The following SLC5A8 variants were observed in gnomAD, a reference collection of about 807,000 sequenced individuals.
The protein encoded by SLC5A8 is solute carrier family 5 member 8.
SLC5A8 carries 55 observed loss-of-function variants against 71.9 expected under a neutral mutation model. That is an observed-to-expected ratio of 0.77 (90% CI 0.62 to 0.96). The LOEUF (loss-of-function observed/expected upper bound fraction) is 0.96. Among genes scored for constraint, SLC5A8 ranks in the 40% least tolerant of loss-of-function variants. The pLI is 0.00. For synonymous variants in SLC5A8, 307 were observed against 276.1 expected (o/e 1.11, Z -1.11); for missense variants, 701 against 745.3 (o/e 0.94, Z 0.69).
intron 4 of SLC5A8, among the ~76,000 whole-genome samples, chr12:101,194,885 A>T (rs1306445270): frequency 6.6e-6 from 1 of 152,230 alleles, no homozygotes; most frequent in East Asian, 1.9e-4. Context: ...AATGGATCAG[A>T]TAAAAGAAAA....
intron 4 of SLC5A8, 26 bp downstream of exon 4, chr12:101,195,069 A>C (rs1191241864): frequency 6.2e-7 from 1 of 1,612,604 alleles, no homozygotes; most frequent in African/African-American, 1.3e-5. Context: ...GGGTAGAGTG[A>C]AAAGGGAAAT....
intron 14 of SLC5A8, 70 bp from the exon 15 acceptor site, chr12:101,157,471 A>T: frequency 2.0e-6 from 3 of 1,489,558 alleles, no homozygotes; most frequent in Non-Finnish European, 2.7e-6. Context: ...ATTCTAAATA[A>T]TTGTTTCTAC....
At chr12:101,163,653 C>T (rs1186002662) in intron 12 of SLC5A8, among the ~76,000 whole-genome samples, 2 of 152,070 alleles carry the variant, frequency 1.3e-5, no homozygotes, top group Admixed American at 6.6e-5. Flanking sequence ...ACTGAGACTC[C>T]GTCTCAAACA....
At chr12:101,167,441 C>A (rs2051784125) in intron 11 of SLC5A8, among the ~76,000 whole-genome samples, 1 of 152,206 alleles carries the variant, frequency 6.6e-6, no homozygotes, top group Admixed American at 6.5e-5. Flanking sequence ...ATCAGTTTTT[C>A]CTGAACTACA....
At chr12:101,196,503 G>T (rs1869184904) in intron 3 of SLC5A8, among the ~76,000 whole-genome samples, 1 of 151,988 alleles carries the variant, frequency 6.6e-6, no homozygotes, top group African/African-American at 2.4e-5. Context: ...TTGATGTATA[G>T]ATTTCACTTT....
In SLC5A8 at chr12:101,186,112, A is replaced by G. The variant is rs528173643; in HGVS notation, c.963+1274T>C. On this transcript the variant is annotated intron_variant, in intron 7 of 14. Transcript: ENST00000536262. ...TTTTTTTTTTTTTGGCCCAGGGTAA[A>G]GGCAAAGTATATTACAAACTTTTTT... 3.3e-5 allele frequency among the ~76,000 whole-genome samples: 5 copies of G among 150,374 alleles called. No individual in the cohort carries two copies. In the East Asian group the frequency reaches 9.7e-4, roughly 29 times the overall value.
At chr12:101,160,647 T>G (rs2051715393) in intron 13 of SLC5A8, among the ~76,000 whole-genome samples, 1 of 152,182 alleles carries the variant, frequency 6.6e-6, no homozygotes, top group Non-Finnish European at 1.5e-5. Context: ...CCCAGCACTG[T>G]GATCTCTCAC....
At chr12:101,189,014 C>T (rs564496535) in intron 6 of SLC5A8, among the ~76,000 whole-genome samples, 250 of 152,256 alleles carry the variant, frequency 1.6e-3, no homozygotes, top group African/African-American at 5.9e-3. Flanking sequence ...AGAAGGCAGA[C>T]GAAAATGAGT....
intron 3 of SLC5A8, among the ~76,000 whole-genome samples, chr12:101,195,986 CG>C (rs1869161578): frequency 6.6e-6 from 1 of 152,066 alleles, no homozygotes; most frequent in Non-Finnish European, 1.5e-5. Flanking sequence ...TGAGCCACCG[CG>C]CCTGGCCGGT....
intron 5 of SLC5A8, 46 bp from the exon 6 acceptor site, chr12:101,190,654 C>T: frequency 1.3e-6 from 2 of 1,524,758 alleles, no homozygotes; most frequent in Non-Finnish European, 1.8e-6. Flanking sequence ...TTAGCAGAGA[C>T]TAAAAAAAAT....
At chr12:101,204,424 A>G in intron 2 of SLC5A8, 76 bp downstream of exon 2, 1 of 1,237,136 alleles carries the variant, frequency 8.1e-7, no homozygotes, top group Non-Finnish European at 1.2e-6. Flanking sequence ...TGTGATTCCC[A>G]GGTAAGCTTA....
intron 3 of SLC5A8, among the ~76,000 whole-genome samples, chr12:101,201,722 C>G (rs1186958405): frequency 1.3e-5 from 2 of 152,158 alleles, no homozygotes; most frequent in African/African-American, 4.8e-5. Flanking sequence ...CTCTCTTTCT[C>G]TTTCATTTTG....
At position 101,209,592 on chromosome 12, in the gene SLC5A8, C is replaced by T. The variant is rs757211515; in HGVS notation, c.257G>A (p.Ser86Asn). ...SEVYRFGAIF[S>N]IFAFTYFFVV... ...AAAGAAGTAGGTGAAGGCAAAGATG[C>T]TAAAAATGGCCCCAAAACGGTAGAC... The change falls in exon 1 of 15, where the codon AGC (serine) becomes AAC (asparagine). Residue 86 changes from serine to asparagine, a missense_variant. Transcript: ENST00000536262. 5.6e-6 allele frequency: 9 copies of T among 1,614,060 alleles called. No homozygotes were observed. The highest frequency in any genetic ancestry group is 7.6e-6 in the Non-Finnish European group (9 of 1,180,026).
intron 1 of SLC5A8, among the ~76,000 whole-genome samples, chr12:101,205,199 G>C (rs982172582): frequency 3.3e-5 from 5 of 152,194 alleles, no homozygotes; most frequent in African/African-American, 1.2e-4. Flanking sequence ...GACTGATCCT[G>C]ACAGAGTGGC....
rs147465862 is a variant in SLC5A8 at position 101,197,600 on chromosome 12, C to G, written c.470-2438G>C. Among the ~76,000 whole-genome samples, 703 of 152,162 alleles carry G rather than the reference C, an allele frequency of 4.6e-3. 1 individual carries two copies. The highest frequency in any genetic ancestry group is 7.2e-3 in the Non-Finnish European group (492 of 67,942). ...CTGGACAGAACAAATAACCCAGTTT[C>G]TTCTGCAAATATGTTGCAATTTAAA... On this transcript the variant is annotated intron_variant, in intron 3 of 14. Transcript: ENST00000536262.
rs1229227987 is a variant in SLC5A8, at chr12:101,157,250, A to T, written c.*29T>A. On this transcript the variant is annotated 3_prime_UTR_variant, in exon 15 of 15. Transcript: ENST00000536262. ...AGAAAACATATAAAATTGAAACATCATTTAAGGATATCTAGTATCAGAGCA... is the reference window on the plus strand; with the variant it reads ...AGAAAACATATAAAATTGAAACATCTTTTAAGGATATCTAGTATCAGAGCA... 1.2e-6 allele frequency: 2 copies of T among 1,602,376 alleles called. No homozygotes were observed. The highest frequency in any genetic ancestry group is 2.2e-5 in the East Asian group (1 of 44,702).
At chr12:101,193,840 A>G in intron 4 of SLC5A8, 61 bp from the exon 5 acceptor site, 2 of 1,524,724 alleles carry the variant, frequency 1.3e-6, no homozygotes, top group Non-Finnish European at 9.0e-7. Flanking sequence ...GCATCTACAC[A>G]CTTATACACT....
intron 13 of SLC5A8, among the ~76,000 whole-genome samples, chr12:101,158,598 CTA>C (rs139268658): frequency 0.02 from 413 of 21,040 alleles, 5 homozygotes; most frequent in Non-Finnish European, 0.021. Context: ...CTCTCTCTCT[CTA>C]TATATATATA....
chr12:101,192,462 G>C (rs1171727387), intron 5 of SLC5A8, among the ~76,000 whole-genome samples: 1 of 152,140 alleles, frequency 6.6e-6, no homozygotes, highest in African/African-American at 2.4e-5. Context: ...ATCTCAAAGA[G>C]AAGATAGGCT....
Sources: allele counts gnomAD v4.1 joint callset (sites outside exome capture counted in the v4.1 genomes callset), GRCh38; gene constraint gnomAD v4.1.1; transcripts MANE v1.5; gene names NCBI Gene and HGNC (gene_info 2026-07-23, HGNC 2026-07-21).